MLC1: variants seen among roughly 807,000 people sequenced by gnomAD.
MLC1 encodes membrane protein MLC1.
MLC1 carries 32 observed loss-of-function variants against 44.7 expected under a neutral mutation model. The observed-to-expected ratio is 0.72, with a 90% confidence interval of 0.54 to 0.96. The LOEUF is 0.96. Among genes scored for constraint, MLC1 ranks in the 40% least tolerant of loss-of-function variants. MLC1 has a pLI of 0.00. For synonymous variants in MLC1, 190 were observed against 213.0 expected (o/e 0.89, Z 0.94); for missense variants, 459 against 492.2 (o/e 0.93, Z 0.64).
chr22:50,072,979 C>T (rs2061891819), intron 8 of MLC1, among the ~76,000 whole-genome samples: 1 of 152,270 alleles, frequency 6.6e-6, no homozygotes, highest in Non-Finnish European at 1.5e-5. Flanking sequence ...TGAAACACAG[C>T]TGCTGCCAAT....
At position 50,068,455 on chromosome 22, in the gene MLC1, T is replaced by C. The variant is rs769753836; in HGVS notation, c.872A>G (p.Lys291Arg). 18 of 1,613,690 alleles carry C rather than the reference T, an allele frequency of 1.1e-5. No homozygotes were observed. The highest frequency in any genetic ancestry group is 1.4e-5 in the Non-Finnish European group (17 of 1,179,822). The change falls in exon 10 of 12, where the codon AAG (lysine) becomes AGG (arginine). Residue 291 changes from lysine (K) to arginine (R), a missense_variant. Transcript: ENST00000311597. ...CACTTTTATGGCTGGCGGGTAATCC[T>C]TAAACATCTCCACGATTCTCATGAT... ...FSIMRIVEMF[K>R]DYPPAIKPSY...
intron 3 of MLC1, among the ~76,000 whole-genome samples, chr22:50,080,987 T>C (rs2062107919): frequency 2.8e-5 from 1 of 36,070 alleles, no homozygotes; most frequent in African/African-American, 7.8e-5. Context: ...TACTCGGTGA[T>C]AGAGTGAGAC....
At position 50,079,366 on chromosome 22, in the gene MLC1, C is replaced by T. The variant is rs557026181; in HGVS notation, c.423+552G>A. 3.0e-4 allele frequency among the ~76,000 whole-genome samples: 46 copies of T among 151,510 alleles called. 2 individuals carry two copies. The highest frequency in any genetic ancestry group is 1.0e-3 in the African/African-American group (43 of 41,250). ...GTGTCTGCTCATTTTTCCTGCCCAA[C>T]GAGAGTGGCCAGGACATACTCAAGC... is the stretch of plus-strand genomic sequence containing the variant. On this transcript the variant is annotated intron_variant, in intron 5 of 11. Coordinates refer to ENST00000311597, the MANE Select transcript of MLC1 (RefSeq NM_015166.4).
chr22:50,061,298 G>T lies in MLC1; in HGVS notation c.*285C>A, dbSNP rs182158300. The T allele has an allele frequency of 2.0e-5, 10 of 497,918 alleles. No individual in the cohort carries two copies. Among genetic ancestry groups the T allele is most frequent in the African/African-American group, 1.4e-4 (7 of 51,448 alleles). The allele number at this position is 497,918 out of a possible 1,614,324, so 30.8% of individuals were successfully genotyped here. A position where few individuals can be genotyped will look rare whatever the true frequency, so the allele number is the denominator to read the frequency against. On this transcript the variant is annotated 3_prime_UTR_variant, in exon 12 of 12. Transcript: ENST00000311597. ...TCAGGGGTGGGGCTCTCAAGAGGCCGAGCCGGGGGCCCTTCCTCGGCCTGG... is the reference window on the plus strand; with the variant it reads ...TCAGGGGTGGGGCTCTCAAGAGGCCTAGCCGGGGGCCCTTCCTCGGCCTGG...
chr22:50,068,349 G>A, intron 10 of MLC1, 84 bp downstream of exon 10: 1 of 1,568,984 alleles, frequency 6.4e-7, no homozygotes, highest in Non-Finnish European at 8.7e-7. Context: ...AGCGCCCCCA[G>A]AGTCCCAGGC....
At chr22:50,064,952 TCTC>T (rs2061672477) in intron 10 of MLC1, among the ~76,000 whole-genome samples, 1 of 149,922 alleles carries the variant, frequency 6.7e-6, no homozygotes, top group Non-Finnish European at 1.5e-5. Context: ...TTTGCGACAG[TCTC>T]CCTCTGTCAC....
chr22:50,068,049 C>A (rs890061226), intron 10 of MLC1, among the ~76,000 whole-genome samples: 1 of 152,178 alleles, frequency 6.6e-6, no homozygotes, highest in Non-Finnish European at 1.5e-5. Context: ...AGATAAGCTC[C>A]TACTGGGTCA....
At chr22:50,063,095 C>CT (rs2061606015) in intron 11 of MLC1, among the ~76,000 whole-genome samples, 1 of 152,206 alleles carries the variant, frequency 6.6e-6, no homozygotes, top group Non-Finnish European at 1.5e-5. Context: ...TTCTGTGTCT[C>CT]TAAGAGCAAA....
chr22:50,081,037 G>GAAAGAAAGAAAGAAAGA (rs2062120993), intron 3 of MLC1, among the ~76,000 whole-genome samples: 1 of 126,862 alleles, frequency 7.9e-6, no homozygotes, highest in Non-Finnish European at 1.8e-5. Context: ...AAGAAAGAAA[G>GAAAGAAAGAAAGAAAGA]AAAGAAAGAA....
chr22:50,071,493 A>G (rs1028912159), intron 8 of MLC1, among the ~76,000 whole-genome samples: 3 of 152,076 alleles, frequency 2.0e-5, no homozygotes, highest in Non-Finnish European at 2.9e-5. Context: ...TTAATCGGGG[A>G]GTCCCTCAGC....
rs75931219 is a variant in MLC1, at chr22:50,061,513, G to A, written c.*70C>T. Reference sequence around the variant, plus strand: ...GGTGTTAGAAGCAGTAGCTCAGGGCGATTAGGGGTTGTGCGTTTCCATGCT... The same window carrying A: ...GGTGTTAGAAGCAGTAGCTCAGGGCAATTAGGGGTTGTGCGTTTCCATGCT... On this transcript the variant is annotated 3_prime_UTR_variant, in exon 12 of 12. Coordinates refer to ENST00000311597, the MANE Select transcript of MLC1 (RefSeq NM_015166.4). 3.7e-4 allele frequency: 554 copies of A among 1,483,340 alleles called. 2 individuals are homozygous for A. In the African/African-American group the frequency reaches 7.3e-3, roughly 19 times the overall value. 91.9% of individuals were successfully genotyped at this position (1,483,340 alleles called of 1,614,324 possible).
rs1052458369 is a variant in MLC1, at chr22:50,073,630, G to A, written c.714+586C>T. 2.0e-5 allele frequency among the ~76,000 whole-genome samples: 3 copies of A among 152,180 alleles called. No homozygotes were observed. In the South Asian group the frequency reaches 6.2e-4, roughly 32 times the overall value. On this transcript the variant is annotated intron_variant, in intron 8 of 11. Coordinates refer to ENST00000311597, the MANE Select transcript of MLC1 (RefSeq NM_015166.4). ...CGCCTGTAATCCCAGCTACTTGGGAGGCTGAGGTGGGCAAATTACTTGAAC... is the reference window on the plus strand; with the variant it reads ...CGCCTGTAATCCCAGCTACTTGGGAAGCTGAGGTGGGCAAATTACTTGAAC...
chr22:50,085,251 A>G (rs1265893000), intron 1 of MLC1, 104 bp downstream of exon 1: 9 of 1,202,526 alleles, frequency 7.5e-6, no homozygotes, highest in Non-Finnish European at 8.4e-6. Flanking sequence ...GTCCATGAAC[A>G]CATCACGCCG....
intron 8 of MLC1, among the ~76,000 whole-genome samples, chr22:50,072,300 G>A (rs1277357377): frequency 6.6e-6 from 1 of 152,204 alleles, no homozygotes; most frequent in East Asian, 1.9e-4. Context: ...GTCCAGGCCT[G>A]CAGCCCAGCC....
intron 1 of MLC1, 51 bp from the exon 2 acceptor site, chr22:50,085,012 G>A (rs755736657): frequency 7.8e-6 from 12 of 1,529,132 alleles, no homozygotes; most frequent in South Asian, 1.2e-5. Context: ...ACTTCAATAA[G>A]TTGTTTCCAA....
Position 50,083,903 on chromosome 22 carries a change from C to T in MLC1, c.178-730G>A, listed in dbSNP as rs754151774. 3.4e-4 allele frequency among the ~76,000 whole-genome samples: 51 copies of T among 152,024 alleles called. No individual in the cohort carries two copies. The highest frequency in any genetic ancestry group is 6.5e-4 in the Admixed American group (10 of 15,278). On this transcript the variant is annotated intron_variant, in intron 2 of 11. Transcript: ENST00000311597. The surrounding 1 kb of genome is among the most constrained non-coding windows in gnomAD (Gnocchi z 4.6). ...GCACCAGGTGGAGGAGGGCAGAGCCCGGAGATGGCCACCACCACCCGGGAG... is the reference window on the plus strand; with the variant it reads ...GCACCAGGTGGAGGAGGGCAGAGCCTGGAGATGGCCACCACCACCCGGGAG...
chr22:50,070,095 A>G (rs2061813074), intron 9 of MLC1, among the ~76,000 whole-genome samples: 1 of 151,652 alleles, frequency 6.6e-6, no homozygotes, highest in African/African-American at 2.4e-5. Flanking sequence ...CCAGCTACTC[A>G]GGAGGCTGAG....
At position 50,064,145 on chromosome 22, in the gene MLC1, G is replaced by A. The variant is rs372499972; in HGVS notation, c.948C>T (p.Ala316=). The change falls in exon 11 of 12, where the codon GCC becomes GCT. Residue 316 remains alanine (A), a synonymous_variant. Transcript: ENST00000311597. The stretch of plus-strand genomic sequence containing the variant: ...GGATGGCGGTGCCCGTGTTGAGGCC[G>A]GCCTGCAGCAGGAGCACTAGCAGCA... ...LLLLLVLLLQ[A]GLNTGTAIQC... 20 of 1,607,992 alleles carry A rather than the reference G, an allele frequency of 1.2e-5. No individual in the cohort carries two copies. Among genetic ancestry groups the A allele is most frequent in the South Asian group, 3.3e-5 (3 of 90,948 alleles).
At chr22:50,080,522 T>C in intron 3 of MLC1, 125 bp from the exon 4 acceptor site, 1 of 1,040,680 alleles carries the variant, frequency 9.6e-7, no homozygotes. Flanking sequence ...TGCCAGTCCA[T>C]GCAACACAGT....
Sources: gnomAD v4.1 joint callset for allele counts (sites outside exome capture counted in the v4.1 genomes callset) on GRCh38, gnomAD v4.1.1 for gene constraint, Gnocchi (gnomAD v3.1) non-coding constraint, MANE v1.5 for transcripts, NCBI Gene and HGNC (gene_info 2026-07-23, HGNC 2026-07-21) for gene names.